The following ABCB5 variants were observed in gnomAD, a reference collection of about 807,000 sequenced individuals.
ABCB5 encodes ATP-binding cassette sub-family B member 5.
ABCB5 carries 155 observed loss-of-function variants against 144.2 expected under a neutral mutation model. The observed-to-expected ratio is 1.08, with a 90% CI of 0.94 to 1.23. The LOEUF is 1.23. Among genes scored for constraint, ABCB5 ranks in the 50% most tolerant of loss-of-function variants. ABCB5 has a pLI of 0.00. For missense variants in ABCB5, 1,830 were observed against 1,520.8 expected (o/e 1.20, Z -3.38); for synonymous variants, 610 against 528.6 (o/e 1.15, Z -2.11).
intron 13 of ABCB5, among the ~76,000 whole-genome samples, chr7:20,652,311 T>C (rs989171950): frequency 6.6e-6 from 1 of 152,182 alleles, no homozygotes; most frequent in African/African-American, 2.4e-5. Flanking sequence ...CTCACGCGTG[T>C]AATCCCAGCA....
At chr7:20,736,962 G>C (rs1782398734) in intron 23 of ABCB5, among the ~76,000 whole-genome samples, 1 of 152,152 alleles carries the variant, frequency 6.6e-6, no homozygotes, top group Admixed American at 6.5e-5. Flanking sequence ...GGCCGAGGCA[G>C]GCGGATCACT....
intron 14 of ABCB5, among the ~76,000 whole-genome samples, chr7:20,678,166 T>A (rs1296078297): frequency 6.6e-6 from 1 of 152,230 alleles, no homozygotes; most frequent in African/African-American, 2.4e-5. Context: ...TGGGAAATTT[T>A]TTTAAAACAT....
chr7:20,703,190 T>C (rs1169614325), intron 19 of ABCB5, among the ~76,000 whole-genome samples: 2 of 152,232 alleles, frequency 1.3e-5, no homozygotes, highest in African/African-American at 4.8e-5. Context: ...TTCCATGTCA[T>C]GTTGAAATCT....
intron 14 of ABCB5, among the ~76,000 whole-genome samples, chr7:20,670,525 T>A (rs1348836783): frequency 6.6e-6 from 1 of 152,220 alleles, no homozygotes; most frequent in Admixed American, 6.5e-5. Context: ...CTCACATTTT[T>A]AACCAATTTT....
intron 21 of ABCB5, among the ~76,000 whole-genome samples, chr7:20,726,702 T>G (rs1161756764): frequency 2.6e-5 from 4 of 152,166 alleles, no homozygotes; most frequent in Non-Finnish European, 5.9e-5. Context: ...TCATAATTTG[T>G]AGGAAGCTCC....
At chr7:20,720,673 C>T (rs971850378) in intron 20 of ABCB5, among the ~76,000 whole-genome samples, 7 of 152,100 alleles carry the variant, frequency 4.6e-5, no homozygotes, top group Admixed American at 1.3e-4. Context: ...AGGCCAGGCG[C>T]GGTGGCTCAC....
chr7:20,751,492 T>C (rs1028675072), intron 26 of ABCB5, among the ~76,000 whole-genome samples: 36 of 152,004 alleles, frequency 2.4e-4, no homozygotes, highest in African/African-American at 8.4e-4. Context: ...ATAAATAAAA[T>C]TTAAAAAAAT....
At chr7:20,745,824 G>C (rs1004420815) in intron 26 of ABCB5, among the ~76,000 whole-genome samples, 1 of 152,136 alleles carries the variant, frequency 6.6e-6, no homozygotes, top group African/African-American at 2.4e-5. Flanking sequence ...AAACAAATTA[G>C]ATCCTATCCC....
At chr7:20,686,456 T>G (rs1786003174) in intron 16 of ABCB5, among the ~76,000 whole-genome samples, 2 of 152,082 alleles carry the variant, frequency 1.3e-5, no homozygotes, top group South Asian at 4.2e-4. Context: ...AATTCCACTT[T>G]CCTTCTCTTA....
At chr7:20,649,507 A>G (rs1034203392) in intron 11 of ABCB5, among the ~76,000 whole-genome samples, 16 of 152,166 alleles carry the variant, frequency 1.1e-4, no homozygotes, top group African/African-American at 3.9e-4. Flanking sequence ...AAATGTTTAA[A>G]GTGTTCCCTC....
At chr7:20,637,256 A>C (rs1309352621) in intron 5 of ABCB5, among the ~76,000 whole-genome samples, 3 of 152,172 alleles carry the variant, frequency 2.0e-5, no homozygotes, top group Admixed American at 6.6e-5. Context: ...TCAGCTTTAT[A>C]ATTTTAATGT....
intron 12 of ABCB5, among the ~76,000 whole-genome samples, chr7:20,650,889 G>A (rs1264930552): frequency 2.0e-5 from 3 of 152,158 alleles, no homozygotes; most frequent in African/African-American, 7.2e-5. Context: ...GAGACTCTAT[G>A]AGTTAGAATT....
At chr7:20,636,467 T>G (rs13226131) in intron 5 of ABCB5, among the ~76,000 whole-genome samples, 42,885 of 151,878 alleles carry the variant, frequency 0.28, 6,370 homozygotes, top group African/African-American at 0.38. Context: ...TTTCTTTTTT[T>G]AAGACTCATT....
intron 26 of ABCB5, among the ~76,000 whole-genome samples, chr7:20,751,146 T>C (rs1309079297): frequency 1.3e-5 from 2 of 152,202 alleles, no homozygotes; most frequent in African/African-American, 4.8e-5. Flanking sequence ...AAGGAGCCAT[T>C]ACCCCTTGAG....
At position 20,650,107 on chromosome 7, in the gene ABCB5, T is replaced by C. The variant is rs200632752; in HGVS notation, c.1292T>C (p.Val431Ala). ...AATGGCAGTGGGAAGAGTACGGTAG[T>C]CCAGCTTCTGCAGAGGTTATATGAT... The part of the protein sequence containing the change: ...GLNGSGKSTV[V>A]QLLQRLYDPD... The change falls in exon 12 of 28, where the codon GTC (valine) becomes GCC (alanine). Residue 431 changes from valine to alanine, a missense_variant. Transcript: ENST00000404938. The C allele has an allele frequency of 1.2e-5, 19 of 1,613,666 alleles. No individual in the cohort carries two copies. Among genetic ancestry groups the C allele is most frequent in the Non-Finnish European group, 1.6e-5 (19 of 1,179,662 alleles).
chr7:20,693,418 G>A (rs1786300146), intron 16 of ABCB5, among the ~76,000 whole-genome samples: 1 of 152,034 alleles, frequency 6.6e-6, no homozygotes. Context: ...GACCAATATG[G>A]AATAAAGTCA....
intron 20 of ABCB5, among the ~76,000 whole-genome samples, chr7:20,718,391 C>T (rs1459327627): frequency 6.6e-6 from 1 of 152,190 alleles, no homozygotes; most frequent in African/African-American, 2.4e-5. Context: ...GCCCATGGTT[C>T]TTAGAGTTAG....
At chr7:20,734,545 G>A (rs1782323633) in intron 23 of ABCB5, among the ~76,000 whole-genome samples, 1 of 151,386 alleles carries the variant, frequency 6.6e-6, no homozygotes, top group Non-Finnish European at 1.5e-5. Context: ...AAATGACATT[G>A]TGTCTCAGAA....
At chr7:20,722,640 C>A (rs746538734) in intron 20 of ABCB5, among the ~76,000 whole-genome samples, 1 of 151,860 alleles carries the variant, frequency 6.6e-6, no homozygotes, top group Non-Finnish European at 1.5e-5. Flanking sequence ...GCCAACATGG[C>A]GAAACCCCAT....
Sources: gnomAD v4.1 joint callset for allele counts (sites outside exome capture counted in the v4.1 genomes callset) on GRCh38, gnomAD v4.1.1 for gene constraint, MANE v1.5 for transcripts, NCBI Gene and HGNC (gene_info 2026-07-23, HGNC 2026-07-21) for gene names.